Variants in TPI1 observed in about 807,000 individuals in gnomAD.
TPI1 encodes triosephosphate isomerase 1, also known as triosephosphate isomerase.
TPI1 carries 11 observed loss-of-function variants against 31.0 expected under a neutral mutation model. That is an observed-to-expected ratio of 0.36 (90% CI 0.22 to 0.59). The LOEUF (loss-of-function observed/expected upper bound fraction) is 0.59. Among genes scored for constraint, TPI1 ranks in the 20% least tolerant of loss-of-function variants. The pLI is 0.79. For synonymous variants in TPI1, 121 were observed against 122.8 expected (o/e 0.99, Z 0.10); for missense variants, 245 against 319.7 (o/e 0.77, Z 1.78).
chr12:6,867,642 A>G lies in TPI1; in HGVS notation c.76A>G (p.Ile26Val), dbSNP rs1555131553. ...GCGGAAGCAGAGTCTGGGGGAGCTC[A>G]TCGGCACTCTGAACGCGGCCAAGGT... is the stretch of plus-strand genomic sequence containing the variant. The part of the protein sequence containing the change: ...NGRKQSLGEL[I>V]GTLNAAKVPA... The change falls in exon 1 of 7, where the codon ATC becomes GTC. Residue 26 changes from isoleucine (I) to valine (V), a missense_variant. By Grantham distance (29) the Ile-to-Val change is conservative (BLOSUM62 3). Coordinates refer to ENST00000396705, the MANE Select transcript of TPI1 (RefSeq NM_000365.6). 3 of 1,611,630 alleles carry G rather than the reference A, an allele frequency of 1.9e-6. No homozygotes were observed. Among genetic ancestry groups the G allele is most frequent in the Non-Finnish European group, 2.5e-6 (3 of 1,179,320 alleles).
upstream of TPI1, chr12:6,867,529 G>A (rs782415919): frequency 3.1e-6 from 5 of 1,602,228 alleles, no homozygotes; most frequent in African/African-American, 5.4e-5. Flanking sequence ...CCGCGACTGC[G>A]CGCAGACACT....
chr12:6,867,702 G>C (rs781886049), intron 1 of TPI1, 21 bp downstream of exon 1: 2 of 1,589,422 alleles, frequency 1.3e-6, no homozygotes, highest in African/African-American at 1.4e-5. Flanking sequence ...GCCGAGGAGG[G>C]GTCTGGCCGG....
At position 6,867,870 on chromosome 12, in the gene TPI1, G is replaced by C. The variant is rs782750985; in HGVS notation, c.115+189G>C. 1.2e-4 allele frequency among the ~76,000 whole-genome samples: 18 copies of C among 152,334 alleles called. No individual in the cohort carries two copies. The East Asian group carries it at 3.5e-3, about 30-fold the overall frequency. ...GCCGCAGCCCCGTCGGTGCGTCGAG[G>C]GGGCAGGGCGGAGCACATGATGCCC... On this transcript the variant is annotated intron_variant, in intron 1 of 6. Coordinates refer to ENST00000396705, the MANE Select transcript of TPI1 (RefSeq NM_000365.6).
rs993943696 is a variant in TPI1 at position 6,869,616 on chromosome 12, G to C, written c.458-72G>C. On this transcript the variant is annotated intron_variant, in intron 4 of 6. Transcript: ENST00000396705. ...AGGGGGCAGTAGGCCACCGTTCTTC[G>C]TACTCCGGAGAACCTGGCTGGAGAG... 6.8e-5 allele frequency: 107 copies of C among 1,574,980 alleles called. No homozygotes were observed. In the East Asian group the frequency reaches 2.3e-3, roughly 35 times the overall value.
chr12:6,869,346 G>A lies in TPI1; in HGVS notation c.413G>A (p.Gly138Asp), dbSNP rs1555132228. The A allele has an allele frequency of 6.2e-7, 1 of 1,614,126 alleles. No homozygotes were observed. Among genetic ancestry groups the A allele is most frequent in the African/African-American group, 1.3e-5 (1 of 75,026 alleles). ...GAGAAGCTAGATGAAAGGGAAGCTG[G>A]CATCACTGAGAAGGTTGTTTTCGAG... ...IGEKLDEREA[G>D]ITEKVVFEQT... Residue 138 changes from glycine (G) to aspartate (D), a missense_variant, in exon 4 of 7, where the codon GGC (glycine) becomes GAC (aspartate). Gly to Asp is a moderately conservative substitution (Grantham distance 94). Transcript: ENST00000396705.
At chr12:6,868,714 A>G in intron 1 of TPI1, 150 bp from the exon 2 acceptor site, 1 of 1,426,786 alleles carries the variant, frequency 7.0e-7, no homozygotes, top group African/African-American at 1.4e-5. Flanking sequence ...TGGAAAATGG[A>G]CAAAGGTCAT....
At chr12:6,868,546 C>T in intron 1 of TPI1, 1 of 1,291,076 alleles carries the variant, frequency 7.7e-7, no homozygotes, top group Non-Finnish European at 1.0e-6. Context: ...AGCAGGGTTG[C>T]TCCCTGGAGA....
rs782796123 is a variant in TPI1, at chr12:6,869,818, T to C, written c.543+45T>C. The C allele has an allele frequency of 9.4e-6, 15 of 1,603,806 alleles. No homozygotes were observed. In the East Asian group the frequency reaches 1.8e-4, roughly 19 times the overall value. On this transcript the variant is annotated intron_variant, in intron 5 of 6. Transcript: ENST00000396705. ...CTGCCCTCATCCCAGCCTGCCTCAA[T>C]AGGTTTGGACAGACACAGCCCACAT...
intron 1 of TPI1, 44 bp from the exon 2 acceptor site, chr12:6,868,820 G>A: frequency 6.3e-7 from 1 of 1,593,686 alleles, no homozygotes; most frequent in Non-Finnish European, 8.5e-7. Flanking sequence ...GGGAATGAAG[G>A]CTTTCTTTAG....
At position 6,868,954 on chromosome 12, in the gene TPI1, A is replaced by T; in HGVS notation, c.206A>T (p.Lys69Ile). ...GCTGTGGCTGCGCAGAACTGCTACA[A>T]AGTGACTAATGGGGCTTTTACTGGG... The part of the protein sequence containing the change: ...KIAVAAQNCY[K>I]VTNGAFTGEI... The change falls in exon 2 of 7, where the codon AAA becomes ATA. Residue 69 changes from lysine to isoleucine, a missense_variant. Lys to Ile is a moderately radical substitution (Grantham distance 102). This residue lies in a region of TPI1 where 95 missense variants were observed against 96.4 expected (regional missense o/e 0.99). Transcript: ENST00000396705. 1.2e-6 allele frequency: 2 copies of T among 1,614,132 alleles called. No individual in the cohort carries two copies. Among genetic ancestry groups the T allele is most frequent in the Non-Finnish European group, 1.7e-6 (2 of 1,180,010 alleles).
At position 6,870,911 on chromosome 12, in the gene TPI1, GAAA is replaced by G. The variant is rs201871949; in HGVS notation, c.*539_*541del. ...GCTATATAAATGATCATTTGTGCAA[GAAA>G]AAAAAAAAAACAAGAACAGGTTTCT... On this transcript the variant is annotated 3_prime_UTR_variant, in exon 7 of 7. Coordinates refer to ENST00000396705, the MANE Select transcript of TPI1 (RefSeq NM_000365.6). 6.1e-5 allele frequency: 33 copies of G among 543,354 alleles called. No homozygotes were observed. The highest frequency in any genetic ancestry group is 2.2e-4 in the East Asian group (6 of 26,802). 33.7% of individuals were successfully genotyped at this position (543,354 alleles called of 1,614,324 possible).
At chr12:6,867,771 G>C in intron 1 of TPI1, 90 bp downstream of exon 1, 1 of 1,343,482 alleles carries the variant, frequency 7.4e-7, no homozygotes, top group Non-Finnish European at 9.9e-7. Flanking sequence ...CCGAGGCCCC[G>C]AGGCCGGTAT....
At chr12:6,867,494 G>A (rs782523416), upstream of TPI1, 4 of 1,554,258 alleles carry the variant, frequency 2.6e-6, no homozygotes, top group African/African-American at 1.4e-5. Flanking sequence ...TCCACTTCGC[G>A]GCGCTCTATA....
At position 6,870,886 on chromosome 12, in the gene TPI1, G is replaced by C. The variant is rs373559246; in HGVS notation, c.*503G>C. ...CCAGATAATCTTCCTTTTTGAGGCA[G>C]CTATATAAATGATCATTTGTGCAAG... On this transcript the variant is annotated 3_prime_UTR_variant, in exon 7 of 7. Coordinates refer to ENST00000396705, the MANE Select transcript of TPI1 (RefSeq NM_000365.6). The C allele has an allele frequency of 1.7e-6, 1 of 597,052 alleles. No individual in the cohort carries two copies. Among genetic ancestry groups the C allele is most frequent in the Non-Finnish European group, 3.1e-6 (1 of 320,870 alleles). The allele number at this position is 597,052 out of a possible 1,614,324, so 37.0% of individuals were successfully genotyped here. A position where few individuals can be genotyped will look rare whatever the true frequency, so the allele number is the denominator to read the frequency against.
rs1555132293 is a variant in TPI1 at position 6,869,505 on chromosome 12, G to A, written c.457+115G>A. 3.2e-6 allele frequency: 5 copies of A among 1,553,420 alleles called. No homozygotes were observed. In the South Asian group the frequency reaches 5.6e-5, roughly 17 times the overall value. On this transcript the variant is annotated intron_variant, in intron 4 of 6. Transcript: ENST00000396705. ...ATGCTGATCCAGAAAAGGAAAAAGG[G>A]GAGGGGGAGTGACAATCTTTGCTTG...
Position 6,868,881 on chromosome 12 carries a change from C to G in TPI1, c.133C>G (p.Pro45Ala), listed in dbSNP as rs1749356459. ...PADTEVVCAP[P>A]TAYIDFARQK... ...GTCCTCAGAGGTGGTTTGTGCTCCCCCTACTGCCTATATCGACTTCGCCCG... is the reference window on the plus strand; with the variant it reads ...GTCCTCAGAGGTGGTTTGTGCTCCCGCTACTGCCTATATCGACTTCGCCCG... The change falls in exon 2 of 7, where the codon CCT (proline) becomes GCT (alanine). Residue 45 changes from proline to alanine, a missense_variant. Pro to Ala is a conservative substitution (Grantham distance 27). Around this residue, in one of 3 missense-constraint regions of TPI1, gnomAD observed 95 missense variants for 96.4 expected, o/e 0.99. Coordinates refer to ENST00000396705, the MANE Select transcript of TPI1 (RefSeq NM_000365.6). The G allele has an allele frequency of 4.3e-6, 7 of 1,613,382 alleles. No homozygotes were observed. Among genetic ancestry groups the G allele is most frequent in the African/African-American group, 1.3e-5 (1 of 74,902 alleles).
upstream of TPI1, chr12:6,867,506 A>G: frequency 1.3e-6 from 2 of 1,580,232 alleles, no homozygotes; most frequent in African/African-American, 1.3e-5. Context: ...CGCTCTATAT[A>G]AGTGGGCAGT....
chr12:6,868,688 C>T, intron 1 of TPI1, 176 bp from the exon 2 acceptor site: 1 of 1,344,272 alleles, frequency 7.4e-7, no homozygotes, highest in Non-Finnish European at 1.0e-6. Flanking sequence ...GAGTTGAGTG[C>T]AGACCCAGCC....
rs782542150 is a variant in TPI1, at chr12:6,870,406, T to A, written c.*23T>A. ...TGAGCCCCATCCATCTTCCCTACCC[T>A]TCCTGCCAAGCCAGGGACTAAGCAG... is the stretch of plus-strand genomic sequence containing the variant. On this transcript the variant is annotated 3_prime_UTR_variant, in exon 7 of 7. Transcript: ENST00000396705. 8.3e-6 allele frequency: 13 copies of A among 1,575,444 alleles called. No homozygotes were observed. The highest frequency in any genetic ancestry group is 1.1e-5 in the Non-Finnish European group (13 of 1,145,886).
Sources: allele counts gnomAD v4.1 joint callset (sites outside exome capture counted in the v4.1 genomes callset), GRCh38; gene constraint gnomAD v4.1.1; regional missense constraint gnomAD v4.1.1; transcripts MANE v1.5; gene names NCBI Gene and HGNC (gene_info 2026-07-23, HGNC 2026-07-21).